Variants in PDCD1LG2 observed in about 807,000 individuals in gnomAD.
PDCD1LG2 encodes the protein programmed cell death 1 ligand 2, also known as B7 dendritic cell molecule.
A neutral mutation model predicts 28.2 loss-of-function variants in PDCD1LG2; 32 were observed. The observed-to-expected ratio is 1.13, with a 90% CI of 0.86 to 1.52. The LOEUF (loss-of-function observed/expected upper bound fraction) is 1.52, where lower values mean the gene tolerates loss of function less well. PDCD1LG2 is among the 40% of genes most tolerant of loss of function. The probability of loss-of-function intolerance (pLI) is 0.00; values close to 1 mark genes in which losing one functional copy is unlikely to be tolerated. For missense variants in PDCD1LG2, 385 were observed against 323.8 expected (o/e 1.19, Z -1.45); for synonymous variants, 116 against 120.2 (o/e 0.97, Z 0.23).
intron 1 of PDCD1LG2, among the ~76,000 whole-genome samples, chr9:5,511,054 T>C (rs1201881321): frequency 6.6e-6 from 1 of 152,240 alleles, no homozygotes; most frequent in African/African-American, 2.4e-5. Context: ...GCACCAAATA[T>C]GTGCACTGTA....
At chr9:5,547,280 C>T (rs1375092696) in intron 3 of PDCD1LG2, among the ~76,000 whole-genome samples, 1 of 152,156 alleles carries the variant, frequency 6.6e-6, no homozygotes, top group Non-Finnish European at 1.5e-5. Flanking sequence ...GCCTTTACTT[C>T]AAGACTACAC....
chr9:5,553,598 C>A (rs1816380231), intron 4 of PDCD1LG2, among the ~76,000 whole-genome samples: 1 of 152,172 alleles, frequency 6.6e-6, no homozygotes, highest in Non-Finnish European at 1.5e-5. Context: ...AAAGGGCAGA[C>A]TGACCATTGC....
At chr9:5,546,196 C>A (rs1301408425) in intron 3 of PDCD1LG2, among the ~76,000 whole-genome samples, 1 of 152,140 alleles carries the variant, frequency 6.6e-6, no homozygotes, top group Non-Finnish European at 1.5e-5. Flanking sequence ...AGCCAAGCTC[C>A]CAATTCCTGG....
intron 3 of PDCD1LG2, among the ~76,000 whole-genome samples, chr9:5,539,275 C>T (rs1218731024): frequency 6.6e-6 from 1 of 152,062 alleles, no homozygotes; most frequent in East Asian, 1.9e-4. Flanking sequence ...AAAAGTTGGA[C>T]CATCACCTAA....
In PDCD1LG2 at chr9:5,571,185, C is replaced by T. The variant is rs867848990; in HGVS notation, c.*1226C>T. On this transcript the variant is annotated 3_prime_UTR_variant, in exon 7 of 7. Coordinates refer to ENST00000397747, the MANE Select transcript of PDCD1LG2 (RefSeq NM_025239.4). ...ATTGACTAACAGACAAATCATACAT[C>T]TCAGTTTCTCAATTCTCATGTAAAT... 2 of 232,820 alleles carry T rather than the reference C, an allele frequency of 8.6e-6. No homozygotes were observed. Among genetic ancestry groups the T allele is most frequent in the African/African-American group, 2.2e-5 (1 of 45,320 alleles). 14.4% of individuals were successfully genotyped at this position (232,820 alleles called of 1,614,324 possible). A position where few individuals can be genotyped will look rare whatever the true frequency, so the allele number is the denominator to read the frequency against.
chr9:5,516,179 G>A (rs1046327867), intron 1 of PDCD1LG2, among the ~76,000 whole-genome samples: 2 of 152,016 alleles, frequency 1.3e-5, no homozygotes, highest in African/African-American at 4.8e-5. Context: ...AGCCTCCCGA[G>A]TAGCTGGTAT....
chr9:5,562,578 A>G (rs754413404), intron 5 of PDCD1LG2, among the ~76,000 whole-genome samples: 1 of 152,108 alleles, frequency 6.6e-6, no homozygotes, highest in Non-Finnish European at 1.5e-5. Context: ...TAAAATTCAG[A>G]CTTCACCAGT....
rs1485734273 is a variant in PDCD1LG2 at position 5,570,630 on chromosome 9, A to T, written c.*671A>T. 4.3e-6 allele frequency: 1 copy of T among 232,300 alleles called. No individual in the cohort carries two copies. Among genetic ancestry groups the T allele is most frequent in the African/African-American group, 2.2e-5 (1 of 45,322 alleles). The allele number at this position is 232,300 out of a possible 1,614,324, so 14.4% of individuals were successfully genotyped here. A position where few individuals can be genotyped will look rare whatever the true frequency, so the allele number is the denominator to read the frequency against. Reference sequence around the variant, plus strand: ...ATTTGTTTTAACCTGTAATGGCACCATGTTTAATGGTGGTTTTTTTTTTGA... The same window carrying T: ...ATTTGTTTTAACCTGTAATGGCACCTTGTTTAATGGTGGTTTTTTTTTTGA... On this transcript the variant is annotated 3_prime_UTR_variant, in exon 7 of 7. Coordinates refer to ENST00000397747, the MANE Select transcript of PDCD1LG2 (RefSeq NM_025239.4).
intron 2 of PDCD1LG2, among the ~76,000 whole-genome samples, chr9:5,532,055 A>G (rs1343553198): frequency 6.6e-6 from 1 of 152,212 alleles, no homozygotes; most frequent in Non-Finnish European, 1.5e-5. Context: ...GGGTCCCATT[A>G]TGGAGATTCT....
At chr9:5,547,091 A>G (rs1488458812) in intron 3 of PDCD1LG2, among the ~76,000 whole-genome samples, 1 of 152,234 alleles carries the variant, frequency 6.6e-6, no homozygotes, top group East Asian at 1.9e-4. Context: ...CTTCTCTTCC[A>G]TAGGATGTAA....
rs2129796371 is a variant in PDCD1LG2 at position 5,535,031 on chromosome 9, C to A, written c.342C>A (p.Tyr114Ter). ...IIYGVAWDYK[Y>*]LTLKVKASYR... is the part of the protein sequence containing the mutation. ...ATGGGGTCGCCTGGGACTACAAGTACCTGACTCTGAAAGTCAAAGGTGAGT... is the reference window on the plus strand; with the variant it reads ...ATGGGGTCGCCTGGGACTACAAGTAACTGACTCTGAAAGTCAAAGGTGAGT... Residue 114 changes from tyrosine to a stop codon, truncating the protein, a stop_gained, in exon 3 of 7, where the codon TAC becomes TAA. Coordinates refer to ENST00000397747, the MANE Select transcript of PDCD1LG2 (RefSeq NM_025239.4). LOFTEE classifies it high-confidence loss of function. The A allele has an allele frequency of 6.2e-7, 1 of 1,609,416 alleles. No individual in the cohort carries two copies. The highest frequency in any genetic ancestry group is 1.1e-5 in the South Asian group (1 of 90,740).
intron 4 of PDCD1LG2, among the ~76,000 whole-genome samples, chr9:5,551,434 TA>T (rs1816331021): frequency 6.6e-6 from 1 of 151,860 alleles, no homozygotes; most frequent in Non-Finnish European, 1.5e-5. Context: ...AATATAAGAG[TA>T]TATTATCAAA....
At chr9:5,560,836 C>T (rs1816544256) in intron 5 of PDCD1LG2, among the ~76,000 whole-genome samples, 1 of 152,160 alleles carries the variant, frequency 6.6e-6, no homozygotes, top group Non-Finnish European at 1.5e-5. Context: ...ATTGGGAGGG[C>T]AGCCATTATT....
At chr9:5,540,059 G>A (rs1439167318) in intron 3 of PDCD1LG2, among the ~76,000 whole-genome samples, 1 of 152,080 alleles carries the variant, frequency 6.6e-6, no homozygotes. Context: ...AGATCACAGT[G>A]GAGTAAAACT....
At chr9:5,549,286 T>C (rs375230974) in intron 3 of PDCD1LG2, 49 bp from the exon 4 acceptor site, 25 of 1,541,756 alleles carry the variant, frequency 1.6e-5, no homozygotes, top group Admixed American at 3.7e-5. Flanking sequence ...CCAAGCTCTA[T>C]AGGAATCAGA....
chr9:5,566,806 G>C (rs1354850732), intron 6 of PDCD1LG2, among the ~76,000 whole-genome samples: 1 of 151,742 alleles, frequency 6.6e-6, no homozygotes, highest in Non-Finnish European at 1.5e-5. Context: ...TAATAATGTG[G>C]GGAAATACTT....
intron 5 of PDCD1LG2, among the ~76,000 whole-genome samples, chr9:5,559,819 G>T (rs978055489): frequency 6.6e-6 from 1 of 152,138 alleles, no homozygotes; most frequent in African/African-American, 2.4e-5. Flanking sequence ...GTTCCAACGA[G>T]CCCAGGATGG....
At chr9:5,545,635 C>A (rs1816185167) in intron 3 of PDCD1LG2, among the ~76,000 whole-genome samples, 1 of 152,152 alleles carries the variant, frequency 6.6e-6, no homozygotes, top group African/African-American at 2.4e-5. Flanking sequence ...AAATATTAAA[C>A]AACAATTGGC....
chr9:5,558,999 C>T (rs1816503419), intron 5 of PDCD1LG2, among the ~76,000 whole-genome samples: 2 of 152,316 alleles, frequency 1.3e-5, no homozygotes, highest in Middle Eastern at 3.4e-3. Context: ...TATCTTCTGC[C>T]ATTCTTCTTT....
Sources: allele counts gnomAD v4.1 joint callset (sites outside exome capture counted in the v4.1 genomes callset), GRCh38; gene constraint gnomAD v4.1.1; transcripts MANE v1.5; gene names NCBI Gene and HGNC (gene_info 2026-07-23, HGNC 2026-07-21).